The following PEBP4 variants were observed in gnomAD, a reference collection of about 807,000 sequenced individuals.
The protein encoded by PEBP4 is phosphatidylethanolamine-binding protein 4.
In PEBP4, 22 loss-of-function variants were observed where a neutral mutation model predicts 23.9. That is an observed-to-expected ratio of 0.92 (90% CI 0.66 to 1.31). The LOEUF (loss-of-function observed/expected upper bound fraction) is 1.31. Ranked by LOEUF, PEBP4 falls within the 40% of genes most tolerant of loss-of-function variation. The pLI is 0.00. For synonymous variants in PEBP4, 112 were observed against 99.3 expected (o/e 1.13, Z -0.76); for missense variants, 324 against 281.7 (o/e 1.15, Z -1.07).
intron 3 of PEBP4, among the ~76,000 whole-genome samples, chr8:22,910,856 C>G (rs1808924173): frequency 1.3e-5 from 2 of 152,196 alleles, no homozygotes; most frequent in African/African-American, 4.8e-5. Context: ...TGAAACTACT[C>G]TGTATGATAC....
chr8:22,908,304 A>C (rs989568601), intron 3 of PEBP4, among the ~76,000 whole-genome samples: 1 of 152,142 alleles, frequency 6.6e-6, no homozygotes, highest in Non-Finnish European at 1.5e-5. Context: ...GGAGACACCG[A>C]AGTGAGAGCC....
At chr8:22,880,144 G>GA (rs1046421103) in intron 3 of PEBP4, among the ~76,000 whole-genome samples, 21 of 152,268 alleles carry the variant, frequency 1.4e-4, no homozygotes, top group African/African-American at 4.8e-4. Flanking sequence ...CCAGGACCCT[G>GA]AAAGGAGTGG....
At chr8:22,741,143 C>T (rs888903034) in intron 4 of PEBP4, among the ~76,000 whole-genome samples, 3 of 152,144 alleles carry the variant, frequency 2.0e-5, no homozygotes, top group African/African-American at 7.2e-5. Flanking sequence ...AACTCTAGGG[C>T]CCTGTCCCAA....
At chr8:22,816,964 T>C (rs1375820564) in intron 4 of PEBP4, among the ~76,000 whole-genome samples, 1 of 152,154 alleles carries the variant, frequency 6.6e-6, no homozygotes, top group African/African-American at 2.4e-5. Flanking sequence ...ATGAATTCAG[T>C]TCAACTCAGA....
At chr8:22,768,866 G>C (rs536949955) in intron 4 of PEBP4, among the ~76,000 whole-genome samples, 2 of 152,186 alleles carry the variant, frequency 1.3e-5, no homozygotes, top group Non-Finnish European at 2.9e-5. Context: ...AGAGGCCGAA[G>C]GAACCGCCCG....
At chr8:22,882,021 G>T (rs1585322218) in intron 3 of PEBP4, among the ~76,000 whole-genome samples, 1 of 152,212 alleles carries the variant, frequency 6.6e-6, no homozygotes, top group African/African-American at 2.4e-5. Flanking sequence ...GGAAGGGGTT[G>T]TCAATGATAC....
chr8:22,845,363 T>C (rs1807408456), intron 3 of PEBP4, among the ~76,000 whole-genome samples: 1 of 103,570 alleles, frequency 9.7e-6, no homozygotes, highest in African/African-American at 3.5e-5. Context: ...CCAGGACGCA[T>C]CTCTACAAAA....
At chr8:22,743,576 C>T (rs563872140) in intron 4 of PEBP4, among the ~76,000 whole-genome samples, 24 of 152,306 alleles carry the variant, frequency 1.6e-4, no homozygotes, top group Non-Finnish European at 2.4e-4. Flanking sequence ...GAAGCCCCTC[C>T]GGAGCTGCCT....
chr8:22,806,606 C>A (rs534186506), intron 4 of PEBP4, among the ~76,000 whole-genome samples: 2 of 135,248 alleles, frequency 1.5e-5, no homozygotes, highest in South Asian at 4.9e-4. Flanking sequence ...CAGAGCAAGA[C>A]TGTGTCTCAA....
chr8:22,798,318 A>G (rs1041744687), intron 4 of PEBP4, among the ~76,000 whole-genome samples: 1 of 152,158 alleles, frequency 6.6e-6, no homozygotes, highest in African/African-American at 2.4e-5. Context: ...CACACCTTCC[A>G]TACACAAACT....
intron 4 of PEBP4, chr8:22,745,713 C>T (rs1405546783): frequency 6.6e-6 from 1 of 152,230 alleles, no homozygotes; most frequent in Non-Finnish European, 1.5e-5. Context: ...TGAGAGGATC[C>T]CGTTCCTGTT....
At chr8:22,731,663 A>C (rs918283050) in intron 4 of PEBP4, among the ~76,000 whole-genome samples, 8 of 149,618 alleles carry the variant, frequency 5.3e-5, no homozygotes, top group Admixed American at 1.3e-4. Flanking sequence ...CTATTTATTT[A>C]TTTATTTATT....
In PEBP4 at chr8:22,917,459, G is replaced by A. The variant is rs530888648; in HGVS notation, c.258+2725C>T. Among the ~76,000 whole-genome samples, 33 of 152,094 alleles carry A rather than the reference G, an allele frequency of 2.2e-4. No individual in the cohort carries two copies. The East Asian group carries it at 5.2e-3, about 24-fold the overall frequency. On this transcript the variant is annotated intron_variant, in intron 3 of 6. Coordinates refer to ENST00000256404, the MANE Select transcript of PEBP4 (RefSeq NM_144962.3). ...TTCTAACCAGGGAAAGCTTCCCTTC[G>A]GCCAGCCCACCCCTGCCTGTGCCAG...
intron 3 of PEBP4, among the ~76,000 whole-genome samples, chr8:22,869,912 C>T (rs1266630284): frequency 2.6e-5 from 4 of 152,204 alleles, no homozygotes; most frequent in African/African-American, 9.7e-5. Flanking sequence ...ACATCAAATG[C>T]TGATGACGAT....
Position 22,883,447 on chromosome 8 carries a change from G to A in PEBP4, c.258+36737C>T, listed in dbSNP as rs1344037632. 5.3e-5 allele frequency among the ~76,000 whole-genome samples: 8 copies of A among 151,988 alleles called. 1 individual carries two copies. On this transcript the variant is annotated intron_variant, in intron 3 of 6. Coordinates refer to ENST00000256404, the MANE Select transcript of PEBP4 (RefSeq NM_144962.3). ...ACCTGATCTCCCTGTGCCCCAAGGG[G>A]CTCTGGCCAGATCTCAACCTCCCAC... is the stretch of plus-strand genomic sequence containing the variant.
At chr8:22,725,035 C>G (rs1804595811) in intron 5 of PEBP4, 79 bp from the exon 6 acceptor site, 3 of 1,250,726 alleles carry the variant, frequency 2.4e-6, no homozygotes, top group Non-Finnish European at 3.5e-6. Flanking sequence ...TCCCATGGTC[C>G]TGCTGACCTC....
chr8:22,730,070 C>A (rs889306107), intron 4 of PEBP4, among the ~76,000 whole-genome samples: 1 of 152,152 alleles, frequency 6.6e-6, no homozygotes, highest in Non-Finnish European at 1.5e-5. Flanking sequence ...GGTCTCATGC[C>A]TTTCGACCTC....
intron 6 of PEBP4, among the ~76,000 whole-genome samples, chr8:22,721,075 G>A (rs990987555): frequency 6.6e-6 from 1 of 152,100 alleles, no homozygotes; most frequent in African/African-American, 2.4e-5. Context: ...GCCCCTCCAC[G>A]ACCCTTGCTG....
At chr8:22,817,600 C>T (rs1806770527) in intron 4 of PEBP4, 37 bp downstream of exon 4, 4 of 1,575,492 alleles carry the variant, frequency 2.5e-6, no homozygotes, top group Non-Finnish European at 2.6e-6. Flanking sequence ...CAGATACAAC[C>T]CCAAATGCGT....
Sources: allele counts gnomAD v4.1 joint callset (sites outside exome capture counted in the v4.1 genomes callset), GRCh38; gene constraint gnomAD v4.1.1; transcripts MANE v1.5; gene names NCBI Gene and HGNC (gene_info 2026-07-23, HGNC 2026-07-21).